The following RPAP2 variants were observed in gnomAD, a reference collection of about 807,000 sequenced individuals.
RPAP2 encodes the protein RNA polymerase II associated protein 2.
Under a neutral mutation model 73.1 loss-of-function variants are expected in RPAP2, and 52 were observed. The ratio of observed to expected loss-of-function variants is 0.71; its 90% CI spans 0.57 to 0.90. The LOEUF (loss-of-function observed/expected upper bound fraction) is 0.90. RPAP2 is among the 40% of genes least tolerant of loss of function. RPAP2 has a pLI of 0.00. For missense variants in RPAP2, 598 were observed against 701.8 expected (o/e 0.85, Z 1.67); for synonymous variants, 225 against 242.1 (o/e 0.93, Z 0.65).
rs1557638359 is a variant in RPAP2, at chr1:92,388,846, T to C, written c.*1835T>C. ...GTGTCCGCCATTGCTGAGGCTTGAGTAGGCGGTTCTATGCTCACAGTGTAA... is the reference window on the plus strand; with the variant it reads ...GTGTCCGCCATTGCTGAGGCTTGAGCAGGCGGTTCTATGCTCACAGTGTAA... On this transcript the variant is annotated 3_prime_UTR_variant, in exon 13 of 13. Transcript: ENST00000610020. 1 of 152,200 alleles carries C rather than the reference T, an allele frequency of 6.6e-6. No individual in the cohort carries two copies. Among genetic ancestry groups the C allele is most frequent in the African/African-American group, 2.4e-5 (1 of 41,422 alleles). 9.4% of individuals were successfully genotyped at this position (152,200 alleles called of 1,614,324 possible).
chr1:92,303,730 C>T (rs914294788), intron 3 of RPAP2, among the ~76,000 whole-genome samples: 1 of 152,116 alleles, frequency 6.6e-6, no homozygotes, highest in Non-Finnish European at 1.5e-5. Flanking sequence ...ATATAATCTA[C>T]AAAGATGCAG....
chr1:92,323,046 A>T (rs1652391918), intron 7 of RPAP2, among the ~76,000 whole-genome samples: 1 of 145,472 alleles, frequency 6.9e-6, no homozygotes, highest in Non-Finnish European at 1.5e-5. Flanking sequence ...ATATATCTTT[A>T]TATTTATATA....
At chr1:92,382,252 C>T (rs1162760342) in intron 12 of RPAP2, among the ~76,000 whole-genome samples, 1 of 152,126 alleles carries the variant, frequency 6.6e-6, no homozygotes, top group Non-Finnish European at 1.5e-5. Flanking sequence ...GTCTTTATAG[C>T]AGCATGATTC....
At chr1:92,374,621 A>G (rs914626874) in intron 11 of RPAP2, among the ~76,000 whole-genome samples, 3 of 152,214 alleles carry the variant, frequency 2.0e-5, no homozygotes, top group African/African-American at 7.2e-5. Context: ...CAATAGCTAC[A>G]ACCAATTCTT....
chr1:92,334,795 G>C (rs1653178123), intron 9 of RPAP2, among the ~76,000 whole-genome samples: 1 of 152,074 alleles, frequency 6.6e-6, no homozygotes. Flanking sequence ...GACCATCCTG[G>C]CTAACACGGT....
chr1:92,383,112 T>C (rs1363634249), intron 12 of RPAP2, among the ~76,000 whole-genome samples: 2 of 152,226 alleles, frequency 1.3e-5, no homozygotes, highest in South Asian at 2.1e-4. Flanking sequence ...GGCTCTGTTC[T>C]GTTCCATTCA....
Position 92,333,410 on chromosome 1 carries a change from T to G in RPAP2, c.1475T>G (p.Leu492Arg). 6.2e-7 allele frequency: 1 copy of G among 1,613,512 alleles called. No individual in the cohort carries two copies. Among genetic ancestry groups the G allele is most frequent in the Non-Finnish European group, 8.5e-7 (1 of 1,179,524 alleles). ...ATTCAGCATGATTCCACCTTTCCAC[T>G]GATAGACTCAAGTTCCCAGAACCAG... is the stretch of plus-strand genomic sequence containing the variant. ...DSEEHDSTFP[L>R]IDSSSQNQIR... Residue 492 changes from leucine (L) to arginine (R), a missense_variant, in exon 9 of 13, where the codon CTG becomes CGG. Physicochemically the swap from Leu to Arg is moderately radical, Grantham distance 102 (BLOSUM62 -2). Around this residue, in one of 3 missense-constraint regions of RPAP2, gnomAD observed 506 missense variants for 612.8 expected, o/e 0.83. Transcript: ENST00000610020.
intron 8 of RPAP2, among the ~76,000 whole-genome samples, chr1:92,328,772 G>T (rs1652790240): frequency 6.6e-6 from 1 of 152,126 alleles, no homozygotes; most frequent in African/African-American, 2.4e-5. Flanking sequence ...CATTTGGGTA[G>T]ACTGTGAGAA....
At chr1:92,335,006 A>T (rs184651932) in intron 9 of RPAP2, among the ~76,000 whole-genome samples, 161 of 152,036 alleles carry the variant, frequency 1.1e-3, no homozygotes, top group African/African-American at 3.8e-3. Context: ...AAATAAAAAT[A>T]AAAATTAATC....
At chr1:92,363,092 T>TA (rs1357803377) in intron 11 of RPAP2, among the ~76,000 whole-genome samples, 1 of 151,970 alleles carries the variant, frequency 6.6e-6, no homozygotes, top group East Asian at 1.9e-4. Context: ...TTTGAAAAAA[T>TA]AAAAGCCTTT....
At chr1:92,308,224 G>C (rs1478762063) in intron 6 of RPAP2, among the ~76,000 whole-genome samples, 1 of 152,156 alleles carries the variant, frequency 6.6e-6, no homozygotes, top group Non-Finnish European at 1.5e-5. Context: ...TGTGGTTTAG[G>C]ATATGGAAAA....
chr1:92,305,631 T>C (rs978217282), intron 5 of RPAP2, among the ~76,000 whole-genome samples: 1 of 151,670 alleles, frequency 6.6e-6, no homozygotes, highest in Non-Finnish European at 1.5e-5. Flanking sequence ...TAACTGACCA[T>C]AGAATCATAT....
intron 8 of RPAP2, among the ~76,000 whole-genome samples, chr1:92,327,373 T>C (rs11577839): frequency 0.26 from 39,539 of 152,112 alleles, 6,522 homozygotes; most frequent in Non-Finnish European, 0.35. Context: ...AGGATTGTCA[T>C]ATTTTCCTAT....
intron 11 of RPAP2, among the ~76,000 whole-genome samples, chr1:92,360,315 A>C (rs1409850132): frequency 6.6e-6 from 1 of 152,214 alleles, no homozygotes; most frequent in African/African-American, 2.4e-5. Flanking sequence ...ACCTTCAAGA[A>C]AGCAGTTTCT....
chr1:92,343,303 C>T (rs184666421), intron 10 of RPAP2, among the ~76,000 whole-genome samples: 1 of 152,266 alleles, frequency 6.6e-6, no homozygotes, highest in Non-Finnish European at 1.5e-5. Flanking sequence ...GTCTCTTGTA[C>T]AGTTAATCCT....
intron 3 of RPAP2, 100 bp from the exon 4 acceptor site, chr1:92,303,877 C>A: frequency 1.4e-6 from 1 of 706,186 alleles, no homozygotes; most frequent in Non-Finnish European, 2.3e-6. Flanking sequence ...GGTACTATTG[C>A]TATCCCTGTG....
In RPAP2 at chr1:92,383,983, C is replaced by T. The variant is rs1451812566; in HGVS notation, c.*-3028C>T. Reference sequence around the variant, plus strand: ...TAAAACAATCTTTTTTTTTTTGAGACGGAGTCTCGCTCTGTTGCCAGGCTG... The same window carrying T: ...TAAAACAATCTTTTTTTTTTTGAGATGGAGTCTCGCTCTGTTGCCAGGCTG... On this transcript the variant is annotated intron_variant, in intron 12 of 12. Coordinates refer to ENST00000610020, the MANE Select transcript of RPAP2 (RefSeq NM_024813.3). Among the ~76,000 whole-genome samples, 7 of 144,462 alleles carry T rather than the reference C, an allele frequency of 4.8e-5. 1 individual carries two copies. Among genetic ancestry groups the T allele is most frequent in the Non-Finnish European group, 7.5e-5 (5 of 66,948 alleles). The allele number at this position is 144,462 out of a possible 152,430, so 94.8% of individuals were successfully genotyped here.
chr1:92,300,173 A>G, intron 1 of RPAP2, 21 bp from the exon 2 acceptor site: 3 of 1,578,072 alleles, frequency 1.9e-6, no homozygotes, highest in East Asian at 2.2e-5. Flanking sequence ...TATGTAGCAC[A>G]TGACTGTATT....
chr1:92,322,471 G>A (rs1652335598), intron 7 of RPAP2, among the ~76,000 whole-genome samples: 1 of 151,646 alleles, frequency 6.6e-6, no homozygotes, highest in Admixed American at 6.6e-5. Context: ...TTGAACCTGG[G>A]AAGCAGAGGT....
Sources: gnomAD v4.1 joint callset for allele counts (sites outside exome capture counted in the v4.1 genomes callset) on GRCh38, gnomAD v4.1.1 for gene constraint, gnomAD v4.1.1 regional missense constraint, MANE v1.5 for transcripts, NCBI Gene and HGNC (gene_info 2026-07-23, HGNC 2026-07-21) for gene names.